Variants in ITGB5 observed in about 807,000 individuals in gnomAD.
ITGB5 encodes integrin subunit beta 5.
Under a neutral mutation model 84.8 loss-of-function variants are expected in ITGB5, and 38 were observed. The ratio of observed to expected loss-of-function variants is 0.45; its 90% CI spans 0.35 to 0.59. ITGB5 has a LOEUF of 0.59. Ranked by LOEUF, ITGB5 falls within the 20% of genes least tolerant of loss-of-function variation. The pLI, the probability that ITGB5 is intolerant of heterozygous loss-of-function variation, is 0.01. For missense variants in ITGB5, 905 were observed against 1,034.5 expected (o/e 0.87, Z 1.72); for synonymous variants, 393 against 414.4 (o/e 0.95, Z 0.63).
intron 4 of ITGB5, among the ~76,000 whole-genome samples, chr3:124,842,039 A>G (rs2065018172): frequency 6.6e-6 from 1 of 152,212 alleles, no homozygotes; most frequent in Non-Finnish European, 1.5e-5. Flanking sequence ...GGATCACATA[A>G]TCTTGTCATG....
chr3:124,815,348 T>C (rs2064571856), intron 8 of ITGB5, among the ~76,000 whole-genome samples: 1 of 152,206 alleles, frequency 6.6e-6, no homozygotes, highest in Non-Finnish European at 1.5e-5. Flanking sequence ...GCCAATGCTC[T>C]TGGGGAGCTC....
At position 124,841,557 on chromosome 3, in the gene ITGB5, G is replaced by A. The variant is rs1027279167; in HGVS notation, c.612-6C>T. ...AATTTGGAAACAACTTGTAACTAGA[G>A]AGGAAGAAGAGAAGAGTCACTTTTC... On this transcript the variant is annotated splice_polypyrimidine_tract_variant and splice_region_variant and intron_variant, in intron 4 of 14. Coordinates refer to ENST00000296181, the MANE Select transcript of ITGB5 (RefSeq NM_002213.5). 5.0e-6 allele frequency: 8 copies of A among 1,612,662 alleles called. No individual in the cohort carries two copies. In the Admixed American group the frequency reaches 1.0e-4, roughly 20 times the overall value.
At chr3:124,865,481 CTTTTTTTTTTT>C (rs59446328) in intron 2 of ITGB5, among the ~76,000 whole-genome samples, 1 of 93,296 alleles carries the variant, frequency 1.1e-5, no homozygotes, top group Admixed American at 1.3e-4. Flanking sequence ...CGGCTTTTTT[CTTTTTTTTTTT>C]TTTTTTTTTT....
intron 3 of ITGB5, among the ~76,000 whole-genome samples, chr3:124,853,725 A>G (rs1579297896): frequency 6.6e-6 from 1 of 152,226 alleles, no homozygotes; most frequent in East Asian, 1.9e-4. Flanking sequence ...CCTGTAGTTT[A>G]GTTAATAGTA....
At chr3:124,854,399 T>C (rs1202807328) in intron 3 of ITGB5, among the ~76,000 whole-genome samples, 1 of 152,164 alleles carries the variant, frequency 6.6e-6, no homozygotes, top group African/African-American at 2.4e-5. Flanking sequence ...ATATAGTATA[T>C]CTATACCTCC....
At chr3:124,846,425 C>CAAA (rs1190656208) in intron 4 of ITGB5, among the ~76,000 whole-genome samples, 1 of 69,866 alleles carries the variant, frequency 1.4e-5, no homozygotes, top group Admixed American at 1.7e-4. Flanking sequence ...GTTGCACAAG[C>CAAA]AAAAAAAAAA....
chr3:124,835,826 A>T (rs1001947657), intron 5 of ITGB5, among the ~76,000 whole-genome samples: 4 of 152,232 alleles, frequency 2.6e-5, no homozygotes, highest in Non-Finnish European at 5.9e-5. Context: ...GCTGGGAGGG[A>T]GCAAGAGGAA....
intron 5 of ITGB5, among the ~76,000 whole-genome samples, chr3:124,837,891 C>CTGGCCAACTCCAGCCCCTA (rs2064957905): frequency 6.6e-6 from 1 of 152,208 alleles, no homozygotes; most frequent in African/African-American, 2.4e-5. Context: ...GGGGAATTGC[C>CTGGCCAACTCCAGCCCCTA]TGGCCAACTC....
intron 7 of ITGB5, 111 bp downstream of exon 7, chr3:124,819,628 G>A (rs1051933591): frequency 7.3e-5 from 57 of 782,782 alleles, no homozygotes; most frequent in Non-Finnish European, 1.2e-4. Context: ...GATCAAGACT[G>A]GGCTATATTC....
At chr3:124,884,870 G>A (rs1934731589) in intron 1 of ITGB5, among the ~76,000 whole-genome samples, 1 of 152,206 alleles carries the variant, frequency 6.6e-6, no homozygotes, top group Non-Finnish European at 1.5e-5. Context: ...GGAAGGGCAA[G>A]TCACTTCCTT....
chr3:124,843,306 C>A (rs1007339899), intron 4 of ITGB5, among the ~76,000 whole-genome samples: 3 of 152,210 alleles, frequency 2.0e-5, no homozygotes, highest in Admixed American at 2.0e-4. Context: ...CCTCCAAGAT[C>A]CTGCCCTGGC....
intron 10 of ITGB5, among the ~76,000 whole-genome samples, chr3:124,774,528 G>C (rs553609719): frequency 6.6e-6 from 1 of 152,150 alleles, no homozygotes; most frequent in South Asian, 2.1e-4. Flanking sequence ...CCAGGAAGCC[G>C]ATGCTCCCTG....
chr3:124,805,575 C>T (rs903850154), intron 9 of ITGB5, among the ~76,000 whole-genome samples: 5 of 151,850 alleles, frequency 3.3e-5, no homozygotes, highest in African/African-American at 1.2e-4. Flanking sequence ...CCTCAGCCTC[C>T]TGAGCAGCTG....
Position 124,809,212 on chromosome 3 carries a change from G to A in ITGB5, c.1129-56C>T, listed in dbSNP as rs1484190507. On this transcript the variant is annotated intron_variant, in intron 8 of 14. Coordinates refer to ENST00000296181, the MANE Select transcript of ITGB5 (RefSeq NM_002213.5). ...ATTTAATAAAGGCTGTGGCTGAGGT[G>A]CTCCCACACTGGTTTTCTGAGGCCC... is the stretch of plus-strand genomic sequence containing the variant. 3 of 1,593,070 alleles carry A rather than the reference G, an allele frequency of 1.9e-6. No individual in the cohort carries two copies. In the African/African-American group the frequency reaches 4.0e-5, roughly 21 times the overall value.
At chr3:124,838,819 T>C (rs1197415561) in intron 5 of ITGB5, among the ~76,000 whole-genome samples, 1 of 152,220 alleles carries the variant, frequency 6.6e-6, no homozygotes, top group East Asian at 1.9e-4. Context: ...GCCAGGATGG[T>C]CTCGATCTCC....
At chr3:124,881,981 G>T (rs182024763) in intron 1 of ITGB5, among the ~76,000 whole-genome samples, 1 of 151,972 alleles carries the variant, frequency 6.6e-6, no homozygotes, top group African/African-American at 2.4e-5. Flanking sequence ...AAAAAATCCT[G>T]ACACATTCCA....
At chr3:124,868,920 G>A (rs936497941) in intron 2 of ITGB5, among the ~76,000 whole-genome samples, 1 of 152,316 alleles carries the variant, frequency 6.6e-6, no homozygotes, top group Admixed American at 6.5e-5. Context: ...CGTGCAGGGA[G>A]TGGTGGGAAA....
At chr3:124,774,976 C>A (rs1210139433) in intron 10 of ITGB5, among the ~76,000 whole-genome samples, 4 of 152,220 alleles carry the variant, frequency 2.6e-5, no homozygotes, top group African/African-American at 9.7e-5. Context: ...GCAGCAGAGC[C>A]AGGACTCAAA....
chr3:124,853,197 A>G (rs2065180294), intron 3 of ITGB5, among the ~76,000 whole-genome samples: 2 of 152,232 alleles, frequency 1.3e-5, no homozygotes, highest in South Asian at 4.1e-4. Flanking sequence ...AAACTGAAAG[A>G]AAGAAGGGAA....
Sources: allele counts gnomAD v4.1 joint callset (sites outside exome capture counted in the v4.1 genomes callset), GRCh38; gene constraint gnomAD v4.1.1; transcripts MANE v1.5; gene names NCBI Gene and HGNC (gene_info 2026-07-23, HGNC 2026-07-21).